Variants in LCP2 observed in about 807,000 individuals in gnomAD.
LCP2 encodes lymphocyte cytosolic protein 2.
Under a neutral mutation model 74.5 loss-of-function variants are expected in LCP2, and 29 were observed. That is an observed-to-expected ratio of 0.39 (90% CI 0.29 to 0.53). The LOEUF is 0.53. LCP2 is among the 20% of genes least tolerant of loss of function. The pLI, the probability that LCP2 is intolerant of heterozygous loss-of-function variation, is 0.72. For missense variants in LCP2, 604 were observed against 634.6 expected, an observed-to-expected ratio of 0.95 and a Z score of 0.52; for synonymous variants, 228 against 229.5, an observed-to-expected ratio of 0.99 and a Z score of 0.06.
At chr5:170,278,159 C>CCTGTTTATTCAACA (rs1762038088) in intron 3 of LCP2, among the ~76,000 whole-genome samples, 1 of 150,454 alleles carries the variant, frequency 6.6e-6, no homozygotes, top group African/African-American at 2.5e-5. Context: ...CATTCTGTCA[C>CCTGTTTATTCAACA]CTGTTTATTC....
In LCP2 at chr5:170,258,890, A is replaced by C; in HGVS notation, c.958-12T>G. 6.4e-7 allele frequency: 1 copy of C among 1,560,948 alleles called. No individual in the cohort carries two copies. Among genetic ancestry groups the C allele is most frequent in the Middle Eastern group, 1.7e-4 (1 of 6,006 alleles). On this transcript the variant is annotated splice_polypyrimidine_tract_variant and intron_variant, in intron 14 of 20. Transcript: ENST00000046794. ...CCATCATCTTCATCCTGGGAAGGGG[A>C]AGAAAAAAAAAGATATTAAGCTATC... is the stretch of plus-strand genomic sequence containing the variant.
intron 3 of LCP2, among the ~76,000 whole-genome samples, chr5:170,284,490 C>A (rs1298571657): frequency 1.4e-5 from 2 of 138,166 alleles, no homozygotes; most frequent in African/African-American, 2.7e-5. Flanking sequence ...TTAAGATTTT[C>A]TTTTTATCAT....
rs369456973 is a variant in LCP2, at chr5:170,282,489, A to G, written c.188+5481T>C. Reference sequence around the variant, plus strand: ...TCTGATTGCCTAAATGACTTCCCCAAGGTCCTACAGCTGGTGGGAGGCAAA... The same window carrying G: ...TCTGATTGCCTAAATGACTTCCCCAGGGTCCTACAGCTGGTGGGAGGCAAA... On this transcript the variant is annotated intron_variant, in intron 3 of 20. Transcript: ENST00000046794. Among the ~76,000 whole-genome samples, 45 of 152,210 alleles carry G rather than the reference A, an allele frequency of 3.0e-4. No homozygotes were observed. The South Asian group carries it at 8.7e-3, about 29-fold the overall frequency.
rs368882833 is a variant in LCP2 at position 170,293,328 on chromosome 5, G to A, written c.123C>T (p.Ile41=). The A allele has an allele frequency of 5.4e-4, 862 of 1,607,598 alleles. No homozygotes were observed. The highest frequency in any genetic ancestry group is 7.2e-4 in the Non-Finnish European group (843 of 1,176,982). The change falls in exon 2 of 21, where the codon ATC becomes ATT. Residue 41 remains isoleucine, a synonymous_variant. Coordinates refer to ENST00000046794, the MANE Select transcript of LCP2 (RefSeq NM_005565.5). Reference sequence around the variant, plus strand: ...AGCTTACCAAGAAGCGAGCCCCATCGATGTGGTACTTCTTCACTGCCTTCT... The same window carrying A: ...AGCTTACCAAGAAGCGAGCCCCATCAATGTGGTACTTCTTCACTGCCTTCT... ...DCEKAVKKYH[I]DGARFLNLTE...
intron 18 of LCP2, 23 bp from the exon 19 acceptor site, chr5:170,252,534 A>C (rs1189835587): frequency 1.6e-6 from 2 of 1,267,900 alleles, no homozygotes; most frequent in East Asian, 2.4e-5. Context: ...ATTTTTAGAA[A>C]CTGAATAAAT....
At chr5:170,275,447 G>A (rs985583812) in intron 4 of LCP2, 96 bp from the exon 5 acceptor site, 5 of 1,364,884 alleles carry the variant, frequency 3.7e-6, no homozygotes, top group African/African-American at 2.8e-5. Flanking sequence ...GTCCCCAGTG[G>A]AGGGCATGTC....
chr5:170,264,614 A>G (rs1023333551), intron 10 of LCP2, among the ~76,000 whole-genome samples: 1 of 152,216 alleles, frequency 6.6e-6, no homozygotes, highest in African/African-American at 2.4e-5. Flanking sequence ...CCTGGTGAAC[A>G]CAGGGAAATC....
chr5:170,259,778 G>T (rs1033074478), intron 14 of LCP2, among the ~76,000 whole-genome samples: 2 of 152,168 alleles, frequency 1.3e-5, no homozygotes, highest in East Asian at 3.9e-4. Flanking sequence ...TTGGCCAACT[G>T]GGAGTCCCAG....
chr5:170,284,833 C>T (rs1289521132), intron 3 of LCP2, among the ~76,000 whole-genome samples: 1 of 151,730 alleles, frequency 6.6e-6, no homozygotes, highest in East Asian at 1.9e-4. Context: ...TCACTGCAGC[C>T]TCCACCTCCC....
intron 10 of LCP2, among the ~76,000 whole-genome samples, chr5:170,265,211 T>C (rs1243025179): frequency 6.6e-6 from 1 of 152,008 alleles, no homozygotes; most frequent in African/African-American, 2.4e-5. Flanking sequence ...ATGGTCTCCA[T>C]CTCCTGACGT....
At chr5:170,249,281 C>T (rs1047409564) in intron 20 of LCP2, among the ~76,000 whole-genome samples, 9 of 151,516 alleles carry the variant, frequency 5.9e-5, no homozygotes, top group Non-Finnish European at 1.3e-4. Context: ...GCCGAGATTG[C>T]GCCATTGCCG....
rs1371554151 is a variant in LCP2, at chr5:170,289,694, TTTCTTTCC to T, written c.142-1686_142-1679del. Among the ~76,000 whole-genome samples the T allele has an allele frequency of 7.8e-3, 1,121 of 143,058 alleles. 9 individuals are homozygous for T. The highest frequency in any genetic ancestry group is 0.02 in the South Asian group (81 of 3,972). The allele number at this position is 143,058 out of a possible 152,430, so 93.9% of individuals were successfully genotyped here. A position where few individuals can be genotyped will look rare whatever the true frequency, so the allele number is the denominator to read the frequency against. On this transcript the variant is annotated intron_variant, in intron 2 of 20. Coordinates refer to ENST00000046794, the MANE Select transcript of LCP2 (RefSeq NM_005565.5). ...CTTTCTCTCTCTCTCTCTTTCTTTC[TTTCTTTCC>T]TTCTTTCTTTCTTTCCTTTCCTTTC...
chr5:170,281,972 G>A (rs904932311), intron 3 of LCP2, among the ~76,000 whole-genome samples: 4 of 152,144 alleles, frequency 2.6e-5, no homozygotes, highest in Admixed American at 1.3e-4. Context: ...ACGTGTATTC[G>A]TGTATTCTAT....
rs764946124 is a variant in LCP2, at chr5:170,248,819, C to G, written c.1480G>C (p.Asp494His). ...LLGTGLRGKE[D>H]FLSVSDIIDY... Reference sequence around the variant, plus strand: ...ATAATATCTGACACAGACAGAAAGTCCTGAAAGAGTCAAGATAGGGAGATG... The same window carrying G: ...ATAATATCTGACACAGACAGAAAGTGCTGAAAGAGTCAAGATAGGGAGATG... Residue 494 changes from aspartate to histidine, a missense_variant and splice_region_variant, in exon 21 of 21, where the codon GAC becomes CAC. By Grantham distance (81) the Asp-to-His change is moderately conservative. Transcript: ENST00000046794. 1 of 1,611,662 alleles carries G rather than the reference C, an allele frequency of 6.2e-7. No homozygotes were observed. The highest frequency in any genetic ancestry group is 8.5e-7 in the Non-Finnish European group (1 of 1,178,794).
At chr5:170,275,766 T>C (rs1172231829) in intron 4 of LCP2, 29 bp downstream of exon 4, 7 of 1,556,566 alleles carry the variant, frequency 4.5e-6, no homozygotes, top group Non-Finnish European at 6.1e-6. Flanking sequence ...CTGAAAAATC[T>C]TGCGTTTCCT....
chr5:170,293,174 G>A lies in LCP2; in HGVS notation c.141+136C>T, dbSNP rs189520247. 1,274 of 772,834 alleles carry A rather than the reference G, an allele frequency of 1.6e-3. 1 individual carries two copies. The highest frequency in any genetic ancestry group is 2.5e-3 in the Non-Finnish European group (1,101 of 448,114). The allele number at this position is 772,834 out of a possible 1,614,324, so 47.9% of individuals were successfully genotyped here. On this transcript the variant is annotated intron_variant, in intron 2 of 20. Coordinates refer to ENST00000046794, the MANE Select transcript of LCP2 (RefSeq NM_005565.5). ...ATCCTGAAAGGTAGTGAGAGAGGGG[G>A]CCCTACCAAATTTCTGGAAAAAGCA...
intron 19 of LCP2, chr5:170,251,765 A>G (rs1392210957): frequency 1.9e-5 from 8 of 418,850 alleles, no homozygotes; most frequent in Non-Finnish European, 3.5e-5. Flanking sequence ...GAGCTGACAC[A>G]GCACCCCCAG....
chr5:170,277,903 C>T (rs1450433747), intron 3 of LCP2, among the ~76,000 whole-genome samples: 2 of 152,046 alleles, frequency 1.3e-5, no homozygotes, highest in Non-Finnish European at 2.9e-5. Context: ...TTGTTGACAA[C>T]TCCAGGCTTT....
Position 170,262,852 on chromosome 5 carries a change from G to A in LCP2, c.808C>T (p.Pro270Ser), listed in dbSNP as rs767317790. ...ATGCAACAGTCTTACCTTCCCGCTG[G>A]AATCGAGGGCTGCAAGACAGGAGGA... ...KPPFSDKPSI[P>S]AGRSLGEHLP... The change falls in exon 12 of 21, where the codon CCA (proline) becomes TCA (serine). Residue 270 changes from proline (P) to serine (S), a missense_variant. Physicochemically the swap from Pro to Ser is moderately conservative, Grantham distance 74. Coordinates refer to ENST00000046794, the MANE Select transcript of LCP2 (RefSeq NM_005565.5). The A allele has an allele frequency of 4.3e-6, 7 of 1,614,040 alleles. No homozygotes were observed. In the South Asian group the frequency reaches 5.5e-5, roughly 13 times the overall value.
Sources: gnomAD v4.1 joint callset for allele counts (sites outside exome capture counted in the v4.1 genomes callset) on GRCh38, gnomAD v4.1.1 for gene constraint, MANE v1.5 for transcripts, NCBI Gene and HGNC (gene_info 2026-07-23, HGNC 2026-07-21) for gene names.